HSP90AA1: variants seen among roughly 807,000 people sequenced by gnomAD.
HSP90AA1 encodes the protein heat shock protein HSP 90-alpha.
HSP90AA1 carries 18 observed loss-of-function variants against 73.3 expected under a neutral mutation model. That is an observed-to-expected ratio of 0.25 (90% CI 0.17 to 0.36). HSP90AA1 has a LOEUF of 0.36. Ranked by LOEUF, HSP90AA1 falls within the 10% of genes least tolerant of loss-of-function variation. The probability of loss-of-function intolerance (pLI) is 1.00; values close to 1 mark genes in which losing one functional copy is unlikely to be tolerated. For synonymous variants in HSP90AA1, 477 were observed against 296.9 expected (o/e 1.61, Z -6.24); for missense variants, 704 against 874.2 (o/e 0.81, Z 2.45).
chr14:102,128,015 G>C (rs1001728189), intron 1 of HSP90AA1, among the ~76,000 whole-genome samples: 3 of 152,080 alleles, frequency 2.0e-5, no homozygotes, highest in South Asian at 4.1e-4. Flanking sequence ...AAACTCTCAA[G>C]CAGAAATGAA....
intron 1 of HSP90AA1, among the ~76,000 whole-genome samples, chr14:102,138,006 C>A (rs192078912): frequency 1.4e-5 from 2 of 146,196 alleles, no homozygotes; most frequent in African/African-American, 2.5e-5. Flanking sequence ...AGCGAGACTC[C>A]ATCTAAGAAA....
At position 102,111,512 on chromosome 14, in the gene HSP90AA1, C is replaced by G. The variant is rs777324531; in HGVS notation, c.156-9427G>C. 4.6e-5 allele frequency among the ~76,000 whole-genome samples: 7 copies of G among 152,220 alleles called. 1 individual carries two copies. The highest frequency in any genetic ancestry group is 2.0e-4 in the Admixed American group (3 of 15,278). On this transcript the variant is annotated intron_variant, in intron 1 of 11. Coordinates refer to the HSP90AA1 transcript ENST00000334701. ...ATGTTCCCTAGATACAATGGGGGTA[C>G]AGGCATTGGGTAAATACACCCCTTC...
intron 1 of HSP90AA1, 80 bp from the exon 2 acceptor site, chr14:102,086,458 ATTT>A (rs2049237347): frequency 4.0e-6 from 6 of 1,495,948 alleles, no homozygotes; most frequent in Non-Finnish European, 5.6e-6. Context: ...TTCTCCAAAT[ATTT>A]TTAAAGCCGA....
Position 102,123,847 on chromosome 14 carries a change from C to T in HSP90AA1, c.155+15403G>A, listed in dbSNP as rs754901811. On this transcript the variant is annotated intron_variant, in intron 1 of 11. Coordinates refer to the HSP90AA1 transcript ENST00000334701. ...CAGGGTCTCATTCTGCCAACCTAGG[C>T]TGGAGTGCAGGGGTGTAAACATGGC... 2.9e-4 allele frequency among the ~76,000 whole-genome samples: 44 copies of T among 152,112 alleles called. 1 individual carries two copies. The highest frequency in any genetic ancestry group is 2.9e-4 in the Non-Finnish European group (20 of 68,016).
rs1284958101 is a variant in HSP90AA1 at position 102,137,889 on chromosome 14, T to C, written c.155+1361A>G. Among the ~76,000 whole-genome samples the C allele has an allele frequency of 2.0e-5, 3 of 151,510 alleles. No homozygotes were observed. The East Asian group carries it at 5.9e-4, about 30-fold the overall frequency. ...AATTAGCTGGGCGTGGTGGTGCACA[T>C]CTGTAGTCCCAGCTACTCGGGAGGC... is the stretch of plus-strand genomic sequence containing the variant. On this transcript the variant is annotated intron_variant, in intron 1 of 11. Transcript: ENST00000334701.
chr14:102,120,472 A>G (rs936183787), intron 1 of HSP90AA1, among the ~76,000 whole-genome samples: 1 of 152,124 alleles, frequency 6.6e-6, no homozygotes, highest in Admixed American at 6.6e-5. Flanking sequence ...GAGATTTTAT[A>G]TATTTTGTCT....
intron 8 of HSP90AA1, 62 bp from the exon 9 acceptor site, chr14:102,083,364 T>C: frequency 6.4e-7 from 1 of 1,571,384 alleles, no homozygotes; most frequent in South Asian, 1.1e-5. Flanking sequence ...CATCTAGCTC[T>C]GACTTTTCTT....
chr14:102,087,644 G>C (rs2049279280), upstream of HSP90AA1, among the ~76,000 whole-genome samples: 1 of 152,200 alleles, frequency 6.6e-6, no homozygotes, highest in Non-Finnish European at 1.5e-5. Context: ...TCTGGGGGCT[G>C]TTAGCCTCAG....
chr14:102,087,988 C>T (rs537476257), upstream of HSP90AA1, among the ~76,000 whole-genome samples: 16 of 142,692 alleles, frequency 1.1e-4, no homozygotes, highest in Non-Finnish European at 1.7e-4. Flanking sequence ...GCTTTGTCGC[C>T]CAGGCTGGGG....
At chr14:102,138,227 CAAAAATTATACTTTTTTTCCTCTTGATA>C (rs1566741739) in intron 1 of HSP90AA1, among the ~76,000 whole-genome samples, 1 of 151,568 alleles carries the variant, frequency 6.6e-6, no homozygotes. Context: ...TTTCCCCCCC[CAAAAATTATACTTTTTTTCCTCTTGATA>C]ATTAGGAAAC....
upstream of HSP90AA1, among the ~76,000 whole-genome samples, chr14:102,090,859 C>A (rs2049347985): frequency 6.6e-6 from 1 of 152,226 alleles, no homozygotes; most frequent in Admixed American, 6.5e-5. Context: ...TGACCATTTT[C>A]CTCCTCTATT....
chr14:102,085,239 TAC>T (rs2049197644), intron 4 of HSP90AA1, 57 bp downstream of exon 4: 2 of 1,556,228 alleles, frequency 1.3e-6, no homozygotes, highest in South Asian at 1.1e-5. Flanking sequence ...AAGGATGTAG[TAC>T]AGTCACCCCA....
intron 10 of HSP90AA1, 134 bp from the exon 11 acceptor site, chr14:102,081,955 G>C: frequency 1.2e-5 from 9 of 771,656 alleles, no homozygotes; most frequent in Admixed American, 3.9e-5. Flanking sequence ...CTTTGCTCTT[G>C]TAAGACCTTA....
intron 2 of HSP90AA1, among the ~76,000 whole-genome samples, chr14:102,092,297 C>T (rs1167917261): frequency 6.6e-6 from 1 of 151,978 alleles, no homozygotes; most frequent in East Asian, 1.9e-4. Flanking sequence ...TCTCAAACTC[C>T]TGGCCTCAAG....
At chr14:102,137,667 T>C (rs2050026181) in intron 1 of HSP90AA1, among the ~76,000 whole-genome samples, 1 of 152,070 alleles carries the variant, frequency 6.6e-6, no homozygotes, top group Non-Finnish European at 1.5e-5. Flanking sequence ...TATTGAATCT[T>C]TGAATATGGA....
At chr14:102,129,175 C>T (rs147174327) in intron 1 of HSP90AA1, among the ~76,000 whole-genome samples, 4,868 of 140,642 alleles carry the variant, frequency 0.035, 230 homozygotes, top group African/African-American at 0.11. Context: ...CTCACTCTGT[C>T]GCCCAGGCTG....
chr14:102,092,440 A>C (rs2049371361), intron 2 of HSP90AA1, among the ~76,000 whole-genome samples: 1 of 152,166 alleles, frequency 6.6e-6, no homozygotes, highest in Admixed American at 6.6e-5. Context: ...TTTTAAATTT[A>C]TTGGGCCTTG....
intron 1 of HSP90AA1, among the ~76,000 whole-genome samples, chr14:102,112,089 T>C (rs1034405149): frequency 5.3e-5 from 8 of 152,176 alleles, no homozygotes; most frequent in Non-Finnish European, 1.2e-4. Flanking sequence ...TTCTGGAAAT[T>C]TTACTTGAAG....
At chr14:102,085,507 G>A (rs2049206574) in intron 3 of HSP90AA1, 76 bp from the exon 4 acceptor site, 4 of 1,417,924 alleles carry the variant, frequency 2.8e-6, no homozygotes, top group East Asian at 4.6e-5. Context: ...CCCTTATAAC[G>A]TGTCTATAAA....
Sources: gnomAD v4.1 joint callset for allele counts (sites outside exome capture counted in the v4.1 genomes callset) on GRCh38, gnomAD v4.1.1 for gene constraint, MANE v1.5 for transcripts, NCBI Gene and HGNC (gene_info 2026-07-23, HGNC 2026-07-21) for gene names.